The following ARAP3 variants were observed in gnomAD, a reference collection of about 807,000 sequenced individuals.
ARAP3 encodes the protein ArfGAP with RhoGAP domain, ankyrin repeat and PH domain 3, also known as arf-GAP with Rho-GAP domain, ANK repeat and PH domain-containing protein 3.
In ARAP3, 82 loss-of-function variants were observed where a neutral mutation model predicts 169.2. The observed-to-expected ratio is 0.48, with a 90% confidence interval of 0.41 to 0.58. The LOEUF (loss-of-function observed/expected upper bound fraction) is 0.58. Ranked by LOEUF, ARAP3 falls within the 20% of genes least tolerant of loss-of-function variation. The probability of loss-of-function intolerance (pLI) is 0.00; values close to 1 mark genes in which losing one functional copy is unlikely to be tolerated. For missense variants in ARAP3, 1,764 were observed against 2,018.0 expected (o/e 0.87, Z 2.41); for synonymous variants, 791 against 800.3 (o/e 0.99, Z 0.20).
In ARAP3 at chr5:141,665,321, C is replaced by T. The variant is rs1006471487; in HGVS notation, c.2626G>A (p.Glu876Lys). The change falls in exon 18 of 33, where the codon GAG becomes AAG. Residue 876 changes from glutamate (E) to lysine (K), a missense_variant. This residue lies in a region of ARAP3 where 1,112 missense variants were observed against 1,285.7 expected (regional missense o/e 0.86). Transcript: ENST00000239440. Reference sequence around the variant, plus strand: ...GCAGGGGCAATTTACCTTCCTGTCTCCACCAGGACCAAATGCTCTTTCTTA... The same window carrying T: ...GCAGGGGCAATTTACCTTCCTGTCTTCACCAGGACCAAATGCTCTTTCTTA... The part of the protein sequence containing the change: ...PDKKEHLVLV[E>K]TGRTLYLQGE... 1 of 1,614,208 alleles carries T rather than the reference C, an allele frequency of 6.2e-7. No individual in the cohort carries two copies. Among genetic ancestry groups the T allele is most frequent in the Non-Finnish European group, 8.5e-7 (1 of 1,180,036 alleles).
intron 4 of ARAP3, among the ~76,000 whole-genome samples, chr5:141,674,863 C>T (rs1437991277): frequency 6.6e-6 from 1 of 152,228 alleles, no homozygotes; most frequent in African/African-American, 2.4e-5. Context: ...TGGCCATCTG[C>T]TTTCATTCTT....
At chr5:141,670,109 A>C (rs780665014) in intron 14 of ARAP3, 46 bp from the exon 15 acceptor site, 1 of 1,573,922 alleles carries the variant, frequency 6.4e-7, no homozygotes, top group African/African-American at 1.4e-5. Context: ...CTCTGCCCCC[A>C]CTGTCATAGT....
Position 141,659,393 on chromosome 5 carries a change from G to A in ARAP3, c.3336+15C>T, listed in dbSNP as rs373884301. ...CTCCTGCCCCATTCAGGAGACTAAGGTCAGGACGAGTTACCTGCACGTCCT... is the reference window on the plus strand; with the variant it reads ...CTCCTGCCCCATTCAGGAGACTAAGATCAGGACGAGTTACCTGCACGTCCT... On this transcript the variant is annotated intron_variant, in intron 23 of 32. Coordinates refer to ENST00000239440, the MANE Select transcript of ARAP3 (RefSeq NM_022481.6). The A allele has an allele frequency of 3.7e-5, 59 of 1,613,004 alleles. No individual in the cohort carries two copies. The highest frequency in any genetic ancestry group is 3.3e-4 in the Middle Eastern group (2 of 6,060).
intron 31 of ARAP3, 28 bp downstream of exon 31, chr5:141,655,593 C>A (rs375543507): frequency 6.3e-7 from 1 of 1,598,302 alleles, no homozygotes; most frequent in African/African-American, 1.3e-5. Context: ...CGACAGGAAT[C>A]GGGTTGGGGC....
At position 141,656,522 on chromosome 5, in the gene ARAP3, C is replaced by T; in HGVS notation, c.3771G>A (p.Leu1257=). 1 of 1,612,298 alleles carries T rather than the reference C, an allele frequency of 6.2e-7. No homozygotes were observed. The highest frequency in any genetic ancestry group is 1.3e-5 in the African/African-American group (1 of 75,018). Residue 1257 remains leucine (L), a synonymous_variant, in exon 27 of 33, where the codon CTG becomes CTA. Transcript: ENST00000239440. The stretch of plus-strand genomic sequence containing the variant: ...GCCTCACTTTCTTCTCCTTGAGCAG[C>T]AGCAGGCAGCGGCCACGCAGCAGAA... The part of the protein sequence containing the change: ...RFFLLRGRCL[L]LLKEKKSSKP...
intron 4 of ARAP3, among the ~76,000 whole-genome samples, chr5:141,675,958 T>G (rs1229914504): frequency 1.3e-5 from 2 of 152,162 alleles, no homozygotes; most frequent in Non-Finnish European, 2.9e-5. Flanking sequence ...TCCTCTCACC[T>G]ACACAATCAC....
At chr5:141,665,252 C>T in intron 18 of ARAP3, 59 bp downstream of exon 18, 1 of 1,599,574 alleles carries the variant, frequency 6.3e-7, no homozygotes, top group Non-Finnish European at 8.5e-7. Flanking sequence ...GGCCAGGTTG[C>T]AGAGTATGGG....
rs1267749971 is a variant in ARAP3, at chr5:141,655,261, CCCT to C, written c.4149+98_4149+100del. 19 of 1,261,946 alleles carry C rather than the reference CCCT, an allele frequency of 1.5e-5. No individual in the cohort carries two copies. The Admixed American group carries it at 2.6e-4, about 18-fold the overall frequency. The allele number at this position is 1,261,946 out of a possible 1,614,324, so 78.2% of individuals were successfully genotyped here. On this transcript the variant is annotated intron_variant, in intron 32 of 32. Transcript: ENST00000239440. ...ACACACACACACACACACACACACC[CCCT>C]GATGGCCTACATGAGGAAAACAGCA...
In ARAP3 at chr5:141,654,034, G is replaced by A; in HGVS notation, c.4551C>T (p.Pro1517=). The stretch of plus-strand genomic sequence containing the variant: ...CAGGTGTCTGTGTTGGAAGGCCAGT[G>A]GGGCTGGGGGATTGGGGGCTGGATG... ...SQPSSPQSPS[P]TGLPTQTPGF... The change falls in exon 33 of 33, where the codon CCC becomes CCT. Residue 1517 remains proline, a synonymous_variant. Coordinates refer to ENST00000239440, the MANE Select transcript of ARAP3 (RefSeq NM_022481.6). 13 of 1,589,804 alleles carry A rather than the reference G, an allele frequency of 8.2e-6. No homozygotes were observed. The highest frequency in any genetic ancestry group is 1.7e-4 in the Middle Eastern group (1 of 5,900).
chr5:141,658,033 A>G (rs895157043), intron 25 of ARAP3, among the ~76,000 whole-genome samples: 4 of 152,136 alleles, frequency 2.6e-5, no homozygotes, highest in Non-Finnish European at 5.9e-5. Context: ...TAATTCATCC[A>G]AGGAGAAATG....
intron 23 of ARAP3, 125 bp downstream of exon 23, chr5:141,659,283 C>T: frequency 1.1e-6 from 1 of 882,160 alleles, no homozygotes; most frequent in Non-Finnish European, 1.8e-6. Context: ...CCCTGTCTCC[C>T]AAAGAGCTGA....
In ARAP3 at chr5:141,662,250, G is replaced by A. The variant is rs145752053; in HGVS notation, c.2806C>T (p.Arg936Trp). 6.2e-6 allele frequency: 10 copies of A among 1,613,766 alleles called. No individual in the cohort carries two copies. Among genetic ancestry groups the A allele is most frequent in the Admixed American group, 1.7e-5 (1 of 59,984 alleles). The stretch of plus-strand genomic sequence containing the variant: ...CCTTTCCGGTATACACCTTCCAGCC[G>A]GAGCCCTGAGGAGAGCCAGCCGTCT... ...CISFVTQHGL[R>W]LEGVYRKGGA... The change falls in exon 20 of 33, where the codon CGG becomes TGG. Residue 936 changes from arginine to tryptophan, a missense_variant. By Grantham distance (101) the Arg-to-Trp change is moderately radical. Transcript: ENST00000239440.
At chr5:141,663,632 T>C (rs1300785621) in intron 19 of ARAP3, among the ~76,000 whole-genome samples, 2 of 152,228 alleles carry the variant, frequency 1.3e-5, no homozygotes, top group South Asian at 2.1e-4. Flanking sequence ...CTCTGACTTA[T>C]TTCCTCCTTC....
At chr5:141,674,856 C>T (rs1055753152) in intron 4 of ARAP3, among the ~76,000 whole-genome samples, 13 of 152,208 alleles carry the variant, frequency 8.5e-5, no homozygotes, top group African/African-American at 3.1e-4. Context: ...CCCTAACTGG[C>T]CATCTGCTTT....
chr5:141,654,258 T>G lies in ARAP3; in HGVS notation c.4327A>C (p.Lys1443Gln). Reference protein sequence around the residue: ...VKPENPLTSQKSLDQPFLSKS... With the variant: ...VKPENPLTSQQSLDQPFLSKS... ...GAGAGAAAGGGTTGATCCAATGACT[T>G]CTGGCTGGTGAGGGGGTTCTCTGGC... is the stretch of plus-strand genomic sequence containing the variant. Residue 1443 changes from lysine (K) to glutamine (Q), a missense_variant, in exon 33 of 33, where the codon AAG becomes CAG. Lys to Gln is a moderately conservative substitution (Grantham distance 53). Transcript: ENST00000239440. The G allele has an allele frequency of 6.2e-7, 1 of 1,614,116 alleles. No homozygotes were observed. The highest frequency in any genetic ancestry group is 8.5e-7 in the Non-Finnish European group (1 of 1,180,004).
chr5:141,658,606 C>T lies in ARAP3; in HGVS notation c.3384G>A (p.Gln1128=), dbSNP rs1193828019. 1.2e-6 allele frequency: 2 copies of T among 1,612,348 alleles called. No individual in the cohort carries two copies. The part of the protein sequence containing the change: ...DLIMEVYIEQ[Q]LPDNCVTLKV... ...TCAGGGTGACACAGTTGTCTGGGAGCTGCTGCTCTATATAAACTTCCATGA... is the reference window on the plus strand; with the variant it reads ...TCAGGGTGACACAGTTGTCTGGGAGTTGCTGCTCTATATAAACTTCCATGA... Residue 1128 remains glutamine, a synonymous_variant, in exon 24 of 33, where the codon CAG becomes CAA. Transcript: ENST00000239440.
chr5:141,658,682 G>A lies in ARAP3; in HGVS notation c.3337-29C>T, dbSNP rs759399507. ...AGGGGAGGGGTAAAAAAGTCAGAAG[G>A]GCAAAAAAAGGGTGCAAAAGACATC... On this transcript the variant is annotated intron_variant, in intron 23 of 32. Coordinates refer to ENST00000239440, the MANE Select transcript of ARAP3 (RefSeq NM_022481.6). The A allele has an allele frequency of 5.8e-6, 9 of 1,555,140 alleles. No homozygotes were observed. In the African/African-American group the frequency reaches 1.1e-4, roughly 19 times the overall value.
intron 25 of ARAP3, among the ~76,000 whole-genome samples, chr5:141,657,947 G>T (rs2099909460): frequency 6.6e-6 from 1 of 152,166 alleles, no homozygotes; most frequent in South Asian, 2.1e-4. Flanking sequence ...GTCTGGAGCT[G>T]AGAGGAGAGA....
intron 1 of ARAP3, chr5:141,680,716 G>T: frequency 1.3e-6 from 1 of 774,872 alleles, no homozygotes. Flanking sequence ...GGAAACTGAG[G>T]CCCAGAGAGG....
Sources: allele counts gnomAD v4.1 joint callset (sites outside exome capture counted in the v4.1 genomes callset), GRCh38; gene constraint gnomAD v4.1.1; regional missense constraint gnomAD v4.1.1; transcripts MANE v1.5; gene names NCBI Gene and HGNC (gene_info 2026-07-23, HGNC 2026-07-21).